The following CCSER1 variants were observed in gnomAD, a reference collection of about 807,000 sequenced individuals.
The protein encoded by CCSER1 is serine-rich coiled-coil domain-containing protein 1.
Under a neutral mutation model 82.0 loss-of-function variants are expected in CCSER1, and 41 were observed. The ratio of observed to expected loss-of-function variants is 0.50; its 90% CI spans 0.39 to 0.65. The LOEUF (loss-of-function observed/expected upper bound fraction) is 0.65, where lower values mean the gene tolerates loss of function less well. Ranked by LOEUF, CCSER1 falls within the 30% of genes least tolerant of loss-of-function variation. The probability of loss-of-function intolerance (pLI) is 0.00; values close to 1 mark genes in which losing one functional copy is unlikely to be tolerated. For synonymous variants in CCSER1, 414 were observed against 383.9 expected, an observed-to-expected ratio of 1.08 and a Z score of -0.92; for missense variants, 1,119 against 1,064.2, an observed-to-expected ratio of 1.05 and a Z score of -0.72.
intron 1 of CCSER1, among the ~76,000 whole-genome samples, chr4:90,297,741 A>G (rs2153472056): frequency 6.6e-6 from 1 of 152,170 alleles, no homozygotes; most frequent in Non-Finnish European, 1.5e-5. Context: ...TTCTGCATCT[A>G]TTGAGAAAAT....
At chr4:91,299,359 T>C (rs895410270) in intron 10 of CCSER1, among the ~76,000 whole-genome samples, 2 of 152,074 alleles carry the variant, frequency 1.3e-5, no homozygotes, top group Non-Finnish European at 2.9e-5. Context: ...AATTATTGTT[T>C]GACTTCATTT....
chr4:91,470,469 T>G (rs1381414331), intron 10 of CCSER1, among the ~76,000 whole-genome samples: 1 of 152,020 alleles, frequency 6.6e-6, no homozygotes, highest in Non-Finnish European at 1.5e-5. Context: ...ATAAATGAGA[T>G]CCAGTGTGTG....
At chr4:90,586,904 A>G (rs1458553946) in intron 5 of CCSER1, among the ~76,000 whole-genome samples, 4 of 152,220 alleles carry the variant, frequency 2.6e-5, no homozygotes, top group Non-Finnish European at 5.9e-5. Flanking sequence ...GTTACCATCC[A>G]TGGCAAAAGA....
intron 10 of CCSER1, among the ~76,000 whole-genome samples, chr4:91,197,465 A>T (rs548134930): frequency 6.6e-6 from 1 of 152,182 alleles, no homozygotes. Context: ...ACTGTTGGGC[A>T]CTTAAATGTA....
intron 3 of CCSER1, among the ~76,000 whole-genome samples, chr4:90,352,679 T>C (rs534605064): frequency 6.6e-6 from 1 of 150,612 alleles, no homozygotes; most frequent in Admixed American, 6.6e-5. Context: ...AAAAAAAACA[T>C]ATATGTATAT....
At chr4:90,227,310 C>T (rs1232002037) in intron 1 of CCSER1, among the ~76,000 whole-genome samples, 3 of 152,162 alleles carry the variant, frequency 2.0e-5, no homozygotes, top group Non-Finnish European at 4.4e-5. Context: ...GCATGAGATG[C>T]CTTTTGAAGT....
chr4:90,546,504 T>C (rs188312157), intron 5 of CCSER1, among the ~76,000 whole-genome samples: 4 of 152,280 alleles, frequency 2.6e-5, no homozygotes, highest in African/African-American at 9.6e-5. Context: ...TTTTCCTAGA[T>C]ATGACTTAGT....
chr4:90,128,831 C>T (rs1393874445), intron 1 of CCSER1, among the ~76,000 whole-genome samples: 1 of 151,852 alleles, frequency 6.6e-6, no homozygotes, highest in African/African-American at 2.4e-5. Context: ...CTCTCTTTCT[C>T]TCTCTCTCTC....
chr4:90,854,316 C>T (rs150524800), intron 8 of CCSER1, among the ~76,000 whole-genome samples: 162 of 152,254 alleles, frequency 1.1e-3, no homozygotes, highest in African/African-American at 3.4e-3. Flanking sequence ...CTGGAAGGTA[C>T]AGTATCCATG....
At chr4:90,935,841 G>A (rs548408788) in intron 9 of CCSER1, among the ~76,000 whole-genome samples, 1 of 151,988 alleles carries the variant, frequency 6.6e-6, no homozygotes, top group South Asian at 2.1e-4. Flanking sequence ...AAAACACAAT[G>A]TACTATGTGG....
chr4:90,253,894 C>T lies in CCSER1; in HGVS notation c.-41-54350C>T, dbSNP rs566688492. On this transcript the variant is annotated intron_variant, in intron 1 of 10. Transcript: ENST00000509176. ...ACTGGTATCATATCCATCTGTTAGC[C>T]TTCACTAATTGCTAGCTGATTGCTC... Among the ~76,000 whole-genome samples, 18 of 152,224 alleles carry T rather than the reference C, an allele frequency of 1.2e-4. No homozygotes were observed. The East Asian group carries it at 3.5e-3, about 29-fold the overall frequency.
intron 10 of CCSER1, among the ~76,000 whole-genome samples, chr4:91,538,703 A>ATTATG (rs371252109): frequency 3.6e-5 from 5 of 137,880 alleles, no homozygotes; most frequent in African/African-American, 5.7e-5. Flanking sequence ...ATACACATAT[A>ATTATG]TATATATAAT....
intron 10 of CCSER1, among the ~76,000 whole-genome samples, chr4:91,360,702 T>C (rs1481693394): frequency 2.0e-5 from 3 of 151,642 alleles, no homozygotes; most frequent in Non-Finnish European, 4.4e-5. Flanking sequence ...GGCACAAGCC[T>C]AGGTGAAAAA....
intron 7 of CCSER1, among the ~76,000 whole-genome samples, chr4:90,777,091 C>T (rs998575026): frequency 6.6e-6 from 1 of 152,148 alleles, no homozygotes; most frequent in Non-Finnish European, 1.5e-5. Context: ...AGCGGTGGCT[C>T]ATGCCTGTAA....
intron 10 of CCSER1, among the ~76,000 whole-genome samples, chr4:91,363,380 TGTGTGTGTGTGA>T (rs1277504418): frequency 4.6e-5 from 7 of 151,168 alleles, no homozygotes; most frequent in Admixed American, 2.0e-4. Context: ...TGTGTGTGTG[TGTGTGTGTGTGA>T]GACAAAAATA....
intron 9 of CCSER1, among the ~76,000 whole-genome samples, chr4:91,031,045 A>G: frequency 6.6e-6 from 1 of 152,160 alleles, no homozygotes; most frequent in East Asian, 1.9e-4. Context: ...GGAAAATGAG[A>G]AGCAAAAGCA....
chr4:90,725,102 T>C, intron 7 of CCSER1: 1 of 330,242 alleles, frequency 3.0e-6, no homozygotes, highest in South Asian at 2.6e-5. Flanking sequence ...TTTTCTTTAT[T>C]ATTATACAGA....
chr4:90,468,408 TA>T (rs1396158440), intron 5 of CCSER1, 54 bp downstream of exon 5: 1 of 1,474,724 alleles, frequency 6.8e-7, no homozygotes, highest in Non-Finnish European at 9.2e-7. Context: ...AGATAACTGA[TA>T]AGAAAATGTG....
intron 7 of CCSER1, among the ~76,000 whole-genome samples, chr4:90,738,489 G>A (rs1219608952): frequency 6.6e-6 from 1 of 151,924 alleles, no homozygotes; most frequent in Non-Finnish European, 1.5e-5. Context: ...CACTATTTTG[G>A]GTTGTCAAGA....
Sources: gnomAD v4.1 joint callset for allele counts (sites outside exome capture counted in the v4.1 genomes callset) on GRCh38, gnomAD v4.1.1 for gene constraint, MANE v1.5 for transcripts, NCBI Gene and HGNC (gene_info 2026-07-23, HGNC 2026-07-21) for gene names.